CYB5D1: variants seen among roughly 807,000 people sequenced by gnomAD.
The protein encoded by CYB5D1 is cytochrome b5 domain containing 1, also known as cytochrome b5 domain-containing protein 1.
A neutral mutation model predicts 24.3 loss-of-function variants in CYB5D1; 30 were observed. The observed-to-expected ratio is 1.23, with a 90% confidence interval of 0.92 to 1.67. The LOEUF is 1.67. CYB5D1 is among the 40% of genes most tolerant of loss of function. The pLI, the probability that CYB5D1 is intolerant of heterozygous loss-of-function variation, is 0.00. For missense variants in CYB5D1, 265 were observed against 296.7 expected, an observed-to-expected ratio of 0.89 and a Z score of 0.79; for synonymous variants, 128 against 123.2, an observed-to-expected ratio of 1.04 and a Z score of -0.26.
rs1168053861 is a variant in CYB5D1 at position 7,860,754 on chromosome 17, C to T, written c.*1142C>T. Reference sequence around the variant, plus strand: ...GGGAGTTTGCAGAGTTCTCCTGTGGCGAAGAGGAGGCAAGGAAGGCTAAGT... The same window carrying T: ...GGGAGTTTGCAGAGTTCTCCTGTGGTGAAGAGGAGGCAAGGAAGGCTAAGT... On this transcript the variant is annotated 3_prime_UTR_variant, in exon 4 of 4. Coordinates refer to ENST00000332439, the MANE Select transcript of CYB5D1 (RefSeq NM_144607.6). The T allele has an allele frequency of 2.0e-5, 3 of 152,144 alleles. No individual in the cohort carries two copies. Among genetic ancestry groups the T allele is most frequent in the African/African-American group, 7.2e-5 (3 of 41,396 alleles). The allele number at this position is 152,144 out of a possible 1,614,324, so 9.4% of individuals were successfully genotyped here.
In CYB5D1 at chr17:7,858,798, C is replaced by G. The variant is rs2078857983; in HGVS notation, c.430C>G (p.Leu144Val). The G allele has an allele frequency of 6.4e-7, 1 of 1,564,908 alleles. No individual in the cohort carries two copies. Among genetic ancestry groups the G allele is most frequent in the African/African-American group, 1.4e-5 (1 of 73,622 alleles). The change falls in exon 3 of 4, where the codon CTC (leucine) becomes GTC (valine). Residue 144 changes from leucine (L) to valine (V), a missense_variant. Leu to Val is a conservative substitution (Grantham distance 32). Transcript: ENST00000332439. Reference sequence around the variant, plus strand: ...CCGGAGCATCCGCATCATTAACACGCTCACGTCGCAGGAGCACACACTGGA... The same window carrying G: ...CCGGAGCATCCGCATCATTAACACGGTCACGTCGCAGGAGCACACACTGGA... ...KTRSIRIINT[L>V]TSQEHTLEVG...
intron 2 of CYB5D1, 31 bp from the exon 3 acceptor site, chr17:7,858,575 T>C (rs775665772): frequency 1.2e-6 from 2 of 1,609,814 alleles, no homozygotes; most frequent in South Asian, 2.2e-5. Flanking sequence ...ATGGCTGCTC[T>C]GACACCCTCG....
chr17:7,858,611 CA>C lies in CYB5D1; in HGVS notation c.245del (p.Lys82SerfsTer3). The C allele has an allele frequency of 6.2e-7, 1 of 1,605,268 alleles. No homozygotes were observed. The highest frequency in any genetic ancestry group is 8.5e-7 in the Non-Finnish European group (1 of 1,174,062). On this transcript the variant is annotated frameshift_variant, in exon 3 of 4. Coordinates refer to ENST00000332439, the MANE Select transcript of CYB5D1 (RefSeq NM_144607.6). LOFTEE classifies it high-confidence loss of function. ...WFDPKTRDIR[K>X]HIDPLTGCLR... is the part of the protein sequence containing the mutation. The stretch of plus-strand genomic sequence containing the variant: ...CCCCAAACCCTCCTTTAAAGATCCG[CA>C]AGCACATAGATCCGCTGACCGGCTG...
At position 7,858,766 on chromosome 17, in the gene CYB5D1, C is replaced by CCAAGA; in HGVS notation, c.400_404dup (p.Ser137ProfsTer51). On this transcript the variant is annotated frameshift_variant, in exon 3 of 4. Coordinates refer to ENST00000332439, the MANE Select transcript of CYB5D1 (RefSeq NM_144607.6). LOFTEE classifies it high-confidence loss of function. ...TATTATGAGGTGGGGCGGCTGTCTGCCAAGACCCGGAGCATCCGCATCATT... is the reference window on the plus strand; with the variant it reads ...TATTATGAGGTGGGGCGGCTGTCTGCCAAGACAAGACCCGGAGCATCCGCATCATT... 6.3e-7 allele frequency: 1 copy of CCAAGA among 1,592,622 alleles called. No homozygotes were observed. Among genetic ancestry groups the CCAAGA allele is most frequent in the African/African-American group, 1.3e-5 (1 of 74,414 alleles).
chr17:7,859,359 T>C (rs1440990176), intron 3 of CYB5D1, 23 bp from the exon 4 acceptor site: 9 of 1,593,152 alleles, frequency 5.6e-6, no homozygotes, highest in Non-Finnish European at 7.7e-6. Flanking sequence ...ATTCTGGGGG[T>C]GGGGTGCTTC....
At chr17:7,859,047 A>G (rs1406680066) in intron 3 of CYB5D1, 4 of 569,022 alleles carry the variant, frequency 7.0e-6, no homozygotes, top group South Asian at 2.4e-5. Flanking sequence ...AAGCCTGGGA[A>G]CAGCAGTTCA....
intron 3 of CYB5D1, 181 bp downstream of exon 3, chr17:7,859,005 C>G: frequency 1.7e-6 from 1 of 589,788 alleles, no homozygotes; most frequent in South Asian, 2.5e-5. Context: ...CTAGGAGTGT[C>G]TGGGTCACAG....
rs1157599454 is a variant in CYB5D1, at chr17:7,859,187, A to G, written c.457-195A>G. ...AGTTGACCCTTTATGGCCATCCGGT[A>G]GTTAGAAGTGGCTGCCATTAAGATC... is the stretch of plus-strand genomic sequence containing the variant. On this transcript the variant is annotated intron_variant, in intron 3 of 3. Coordinates refer to ENST00000332439, the MANE Select transcript of CYB5D1 (RefSeq NM_144607.6). 4 of 605,896 alleles carry G rather than the reference A, an allele frequency of 6.6e-6. No individual in the cohort carries two copies. The African/African-American group carries it at 7.4e-5, about 11-fold the overall frequency. 37.5% of individuals were successfully genotyped at this position (605,896 alleles called of 1,614,324 possible).
intron 3 of CYB5D1, 157 bp from the exon 4 acceptor site, chr17:7,859,225 G>C: frequency 3.2e-6 from 2 of 631,524 alleles, no homozygotes; most frequent in Non-Finnish European, 5.5e-6. Flanking sequence ...TAGGACTTTA[G>C]GGTCTGCTCA....
rs1567813439 is a variant in CYB5D1 at position 7,859,510 on chromosome 17, G to A, written c.585G>A (p.Gly195=). The change falls in exon 4 of 4, where the codon GGG becomes GGA. Residue 195 remains glycine (G), a synonymous_variant. Transcript: ENST00000332439. ...LNMDFTLEEN[G]IRDEEEEFDY... is the part of the protein sequence containing the mutation. ...TGGATTTTACCCTGGAAGAGAATGG[G>A]ATCCGGGATGAGGAGGAAGAATTTG... The A allele has an allele frequency of 1.2e-6, 2 of 1,614,184 alleles. No individual in the cohort carries two copies. Among genetic ancestry groups the A allele is most frequent in the Non-Finnish European group, 1.7e-6 (2 of 1,180,036 alleles).
Position 7,858,734 on chromosome 17 carries a change from G to A in CYB5D1, c.366G>A (p.Gln122=), listed in dbSNP as rs1205150472. The part of the protein sequence containing the change: ...WANDFGKPWW[Q]GSYYEVGRLS... Reference sequence around the variant, plus strand: ...ACGATTTTGGGAAGCCCTGGTGGCAGGGGTCGTATTATGAGGTGGGGCGGC... The same window carrying A: ...ACGATTTTGGGAAGCCCTGGTGGCAAGGGTCGTATTATGAGGTGGGGCGGC... Residue 122 remains glutamine (Q), a synonymous_variant, in exon 3 of 4, where the codon CAG becomes CAA. Coordinates refer to ENST00000332439, the MANE Select transcript of CYB5D1 (RefSeq NM_144607.6). 2 of 1,606,574 alleles carry A rather than the reference G, an allele frequency of 1.2e-6. No homozygotes were observed. Among genetic ancestry groups the A allele is most frequent in the Non-Finnish European group, 1.7e-6 (2 of 1,176,392 alleles).
Position 7,859,666 on chromosome 17 carries a change from T to C in CYB5D1, c.*54T>C. ...AAGACGTATTTCGAGTTTGGCTTTT[T>C]CTGTGCCTTGAGGAAAAGTGGTGGG... On this transcript the variant is annotated 3_prime_UTR_variant, in exon 4 of 4. Coordinates refer to ENST00000332439, the MANE Select transcript of CYB5D1 (RefSeq NM_144607.6). 1 of 1,566,872 alleles carries C rather than the reference T, an allele frequency of 6.4e-7. No homozygotes were observed. Among genetic ancestry groups the C allele is most frequent in the South Asian group, 1.1e-5 (1 of 89,728 alleles).
chr17:7,859,756 T>C lies in CYB5D1; in HGVS notation c.*144T>C, dbSNP rs1023661071. 4 of 674,204 alleles carry C rather than the reference T, an allele frequency of 5.9e-6. No individual in the cohort carries two copies. Among genetic ancestry groups the C allele is most frequent in the Admixed American group, 2.6e-5 (1 of 38,566 alleles). The allele number at this position is 674,204 out of a possible 1,614,324, so 41.8% of individuals were successfully genotyped here. A position where few individuals can be genotyped will look rare whatever the true frequency, so the allele number is the denominator to read the frequency against. ...GGAGCTAGCCTGTGCCCTTCTGAAG[T>C]GTAAAGGCCCTATTCCCTGCCTTCA... On this transcript the variant is annotated 3_prime_UTR_variant, in exon 4 of 4. Coordinates refer to ENST00000332439, the MANE Select transcript of CYB5D1 (RefSeq NM_144607.6).
rs2078874047 is a variant in CYB5D1, at chr17:7,860,342, C to CT, written c.*731dup. On this transcript the variant is annotated 3_prime_UTR_variant, in exon 4 of 4. Coordinates refer to ENST00000332439, the MANE Select transcript of CYB5D1 (RefSeq NM_144607.6). ...TTTTAATTTTTTGTAGACACAGGGT[C>CT]TCGCTGTGTTGCCCAGGCTGGTTTC... 6.6e-6 allele frequency: 1 copy of CT among 152,186 alleles called. No individual in the cohort carries two copies. The highest frequency in any genetic ancestry group is 1.5e-5 in the Non-Finnish European group (1 of 68,124). 9.4% of individuals were successfully genotyped at this position (152,186 alleles called of 1,614,324 possible).
chr17:7,859,788 T>A lies in CYB5D1; in HGVS notation c.*176T>A. ...GCCCTATTCCCTGCCTTCATTACAG[T>A]TTGCTCTGAGAAAATTAGTGAATTA... On this transcript the variant is annotated 3_prime_UTR_variant, in exon 4 of 4. Transcript: ENST00000332439. 1.7e-6 allele frequency: 1 copy of A among 603,652 alleles called. No individual in the cohort carries two copies. The highest frequency in any genetic ancestry group is 2.9e-6 in the Non-Finnish European group (1 of 340,116). The allele number at this position is 603,652 out of a possible 1,614,324, so 37.4% of individuals were successfully genotyped here.
In CYB5D1 at chr17:7,859,569, C is replaced by T; in HGVS notation, c.644C>T (p.Pro215Leu). The change falls in exon 4 of 4, where the codon CCT becomes CTT. Residue 215 changes from proline (P) to leucine (L), a missense_variant. Pro to Leu is a moderately conservative substitution (Grantham distance 98). Transcript: ENST00000332439. ...YLSMDGTLHT[P>L]AILLYFNDDL... The stretch of plus-strand genomic sequence containing the variant: ...AGTATGGACGGTACACTTCACACAC[C>T]TGCAATACTTCTGTACTTCAATGAT... The T allele has an allele frequency of 1.2e-6, 2 of 1,614,158 alleles. No homozygotes were observed. Among genetic ancestry groups the T allele is most frequent in the South Asian group, 1.1e-5 (1 of 91,078 alleles).
Position 7,858,129 on chromosome 17 carries a change from A to G in CYB5D1, c.-6A>G, listed in dbSNP as rs769273638. On this transcript the variant is annotated 5_prime_UTR_variant, in exon 1 of 4. Coordinates refer to ENST00000332439, the MANE Select transcript of CYB5D1 (RefSeq NM_144607.6). ...AAGAGATCCAGTGACCGACAGAGCAAGAGCCATGCCGCGCCGGGGCCTGGT... is the reference window on the plus strand; with the variant it reads ...AAGAGATCCAGTGACCGACAGAGCAGGAGCCATGCCGCGCCGGGGCCTGGT... The G allele has an allele frequency of 6.2e-7, 1 of 1,613,296 alleles. No individual in the cohort carries two copies. The highest frequency in any genetic ancestry group is 8.5e-7 in the Non-Finnish European group (1 of 1,179,880).
At position 7,858,763 on chromosome 17, in the gene CYB5D1, C is replaced by CT. The variant is rs777695141; in HGVS notation, c.396dup (p.Ala133CysfsTer10). The CT allele has an allele frequency of 6.3e-7, 1 of 1,594,328 alleles. No homozygotes were observed. The highest frequency in any genetic ancestry group is 1.1e-5 in the South Asian group (1 of 88,408). ...TCGTATTATGAGGTGGGGCGGCTGT[C>CT]TGCCAAGACCCGGAGCATCCGCATC... is the stretch of plus-strand genomic sequence containing the variant. On this transcript the variant is annotated frameshift_variant, in exon 3 of 4. Coordinates refer to ENST00000332439, the MANE Select transcript of CYB5D1 (RefSeq NM_144607.6). LOFTEE classifies it high-confidence loss of function.
At chr17:7,859,291 C>T in intron 3 of CYB5D1, 91 bp from the exon 4 acceptor site, 2 of 1,007,970 alleles carry the variant, frequency 2.0e-6, no homozygotes, top group Non-Finnish European at 3.0e-6. Context: ...CCTGAAGCTG[C>T]TATCTGCCAA....
Sources: gnomAD v4.1 joint callset for allele counts on GRCh38, gnomAD v4.1.1 for gene constraint, MANE v1.5 for transcripts, NCBI Gene and HGNC (gene_info 2026-07-23, HGNC 2026-07-21) for gene names.